BIN1: variants seen among roughly 807,000 people sequenced by gnomAD.
BIN1 encodes bridging integrator 1.
BIN1 carries 53 observed loss-of-function variants against 82.0 expected under a neutral mutation model. The ratio of observed to expected loss-of-function variants is 0.65; its 90% confidence interval spans 0.52 to 0.81. BIN1 has a LOEUF of 0.81. BIN1 is among the 40% of genes least tolerant of loss of function. The pLI, the probability that BIN1 is intolerant of heterozygous loss-of-function variation, is 0.00. For missense variants in BIN1, 642 were observed against 784.4 expected (o/e 0.82, Z 2.17); for synonymous variants, 302 against 328.0 (o/e 0.92, Z 0.86).
intron 9 of BIN1, 36 bp downstream of exon 9, chr2:127,063,535 G>A: frequency 6.2e-7 from 1 of 1,600,468 alleles, no homozygotes; most frequent in South Asian, 1.1e-5. Flanking sequence ...CGGCCAGGGT[G>A]GGGTGTGGCC....
Position 127,059,256 on chromosome 2 carries a change from A to G in BIN1, c.858-101T>C. The G allele has an allele frequency of 8.2e-7, 1 of 1,214,858 alleles. No individual in the cohort carries two copies. Among genetic ancestry groups the G allele is most frequent in the South Asian group, 1.3e-5 (1 of 78,508 alleles). The allele number at this position is 1,214,858 out of a possible 1,614,324, so 75.3% of individuals were successfully genotyped here. On this transcript the variant is annotated intron_variant, in intron 10 of 18. Transcript: ENST00000316724. This position sits in a 1 kb window ranked among gnomAD's most constrained non-coding sequence, Gnocchi z 6.7. ...CGTCTGTGTGAAGAGGTGTGTGCAT[A>G]TGGAGGTGTGAAACTGTGTGTGTGT...
chr2:127,089,362 G>A (rs774034789), intron 1 of BIN1, among the ~76,000 whole-genome samples: 7 of 152,318 alleles, frequency 4.6e-5, no homozygotes, highest in Admixed American at 2.6e-4. Context: ...AGGCTGGCGC[G>A]TGTACACACT....
intron 1 of BIN1, among the ~76,000 whole-genome samples, chr2:127,091,481 C>T (rs1211509789): frequency 6.6e-6 from 1 of 152,240 alleles, no homozygotes; most frequent in Non-Finnish European, 1.5e-5. Flanking sequence ...ACTTCGAGTC[C>T]AAGGCTGATT....
chr2:127,058,543 T>C (rs60711884), intron 11 of BIN1, among the ~76,000 whole-genome samples: 49,051 of 151,834 alleles, frequency 0.32, 11,420 homozygotes, highest in African/African-American at 0.67. Flanking sequence ...CACACCCTCC[T>C]CTGAGCCCTT....
At chr2:127,052,231 CA>C in intron 15 of BIN1, 23 bp downstream of exon 15, 2 of 1,555,222 alleles carry the variant, frequency 1.3e-6, no homozygotes, top group South Asian at 2.4e-5. Flanking sequence ...ACAAGCCAGA[CA>C]GGGGCTGGAG....
In BIN1 at chr2:127,106,964, G is replaced by T; in HGVS notation, c.-21C>A. ...GCCATCGCGGCGCAGGCCTCGCCCG[G>T]TGGCAGGGGCCGCTCTCGCGCGGGG... On this transcript the variant is annotated 5_prime_UTR_variant, in exon 1 of 19. Transcript: ENST00000316724. 1.2e-6 allele frequency: 2 copies of T among 1,604,854 alleles called. No individual in the cohort carries two copies. The highest frequency in any genetic ancestry group is 1.7e-6 in the Non-Finnish European group (2 of 1,177,088).
intron 4 of BIN1, 119 bp downstream of exon 4, chr2:127,070,434 C>A (rs1215806994): frequency 2.4e-6 from 3 of 1,259,186 alleles, no homozygotes; most frequent in Non-Finnish European, 3.4e-6. Flanking sequence ...CCCCAGGGCA[C>A]ACAGCACGCG....
intron 1 of BIN1, among the ~76,000 whole-genome samples, chr2:127,092,541 C>T (rs1388706782): frequency 2.6e-5 from 4 of 152,180 alleles, no homozygotes; most frequent in Non-Finnish European, 5.9e-5. Flanking sequence ...AACACCTGCC[C>T]GCAGTCCCTA....
chr2:127,055,514 A>T (rs1165473301), intron 12 of BIN1: 1 of 152,180 alleles, frequency 6.6e-6, no homozygotes, highest in Non-Finnish European at 1.5e-5. Flanking sequence ...TCTGCCCCAT[A>T]ACCGGCCGTC....
chr2:127,081,862 C>T, intron 1 of BIN1: 1 of 1,287,436 alleles, frequency 7.8e-7, no homozygotes, highest in Non-Finnish European at 1.0e-6. Context: ...CACCTGCCTG[C>T]ACAGGAAGGG....
Position 127,067,930 on chromosome 2 carries a change from G to A in BIN1, c.612+233C>T, listed in dbSNP as rs568079904. Among the ~76,000 whole-genome samples, 31 of 152,300 alleles carry A rather than the reference G, an allele frequency of 2.0e-4. No individual in the cohort carries two copies. The highest frequency in any genetic ancestry group is 5.8e-4 in the African/African-American group (24 of 41,568). On this transcript the variant is annotated intron_variant, in intron 7 of 18. Transcript: ENST00000316724. The surrounding 1 kb of genome is among the most constrained non-coding windows in gnomAD (Gnocchi z 4.7). ...CAGGAATGACCACAGATGCAGCCAC[G>A]GAGCGGGCATAGCTATGCCCCCACC...
chr2:127,058,187 A>G (rs1320416467), intron 11 of BIN1, among the ~76,000 whole-genome samples: 3 of 152,200 alleles, frequency 2.0e-5, no homozygotes, highest in Non-Finnish European at 2.9e-5. Context: ...TCACACACCC[A>G]TGACGCTGGG....
intron 2 of BIN1, among the ~76,000 whole-genome samples, chr2:127,072,300 G>A (rs1366978557): frequency 6.6e-6 from 1 of 152,194 alleles, no homozygotes; most frequent in Non-Finnish European, 1.5e-5. Context: ...TCCTTAGCCG[G>A]GGCTGCTCTT....
chr2:127,048,080 A>T lies in BIN1; in HGVS notation c.*446T>A, dbSNP rs940132394. ...TTGTTTCATTTTGTTTTGAACACTA[A>T]GATTTATTTTCAAACAGCACACAGA... is the stretch of plus-strand genomic sequence containing the variant. On this transcript the variant is annotated 3_prime_UTR_variant, in exon 19 of 19. Coordinates refer to ENST00000316724, the MANE Select transcript of BIN1 (RefSeq NM_139343.3). 5.0e-6 allele frequency: 1 copy of T among 200,738 alleles called. No individual in the cohort carries two copies. The highest frequency in any genetic ancestry group is 2.3e-5 in the African/African-American group (1 of 42,748). 12.4% of individuals were successfully genotyped at this position (200,738 alleles called of 1,614,324 possible).
chr2:127,066,366 A>G (rs553134354), intron 7 of BIN1, among the ~76,000 whole-genome samples: 1 of 152,190 alleles, frequency 6.6e-6, no homozygotes, highest in Non-Finnish European at 1.5e-5. Context: ...CTGCTCCCCC[A>G]GGGTGGGCGT....
rs751051376 is a variant in BIN1 at position 127,051,221 on chromosome 2, G to C, written c.1394C>G (p.Ala465Gly). 1.2e-6 allele frequency: 2 copies of C among 1,613,736 alleles called. No homozygotes were observed. Among genetic ancestry groups the C allele is most frequent in the East Asian group, 4.5e-5 (2 of 44,876 alleles). Reference sequence around the variant, plus strand: ...TCCAGCCGCAGGTTGGGTCCCACCCGCCACCTCCGAGGCCTCTGCTGGCTG... The same window carrying C: ...TCCAGCCGCAGGTTGGGTCCCACCCCCCACCTCCGAGGCCTCTGCTGGCTG... The part of the protein sequence containing the change: ...PAQPAEASEV[A>G]GGTQPAAGAQ... The change falls in exon 16 of 19, where the codon GCG becomes GGG. Residue 465 changes from alanine (A) to glycine (G), a missense_variant. Ala to Gly is a moderately conservative substitution (Grantham distance 60). Coordinates refer to ENST00000316724, the MANE Select transcript of BIN1 (RefSeq NM_139343.3).
At chr2:127,061,693 G>A (rs887421179) in intron 10 of BIN1, among the ~76,000 whole-genome samples, 17 of 152,170 alleles carry the variant, frequency 1.1e-4, no homozygotes, top group African/African-American at 3.9e-4. Context: ...GCCATCCAGG[G>A]ACATGAGCTT....
intron 2 of BIN1, among the ~76,000 whole-genome samples, chr2:127,074,645 CAG>C (rs1277068568): frequency 6.6e-6 from 1 of 152,238 alleles, no homozygotes; most frequent in African/African-American, 2.4e-5. Context: ...CCAGGCCACA[CAG>C]AGTCTCAGCT....
rs545014312 is a variant in BIN1 at position 127,092,975 on chromosome 2, G to A, written c.84+13885C>T. Among the ~76,000 whole-genome samples, 14 of 151,650 alleles carry A rather than the reference G, an allele frequency of 9.2e-5. No homozygotes were observed. The South Asian group carries it at 2.9e-3, about 32-fold the overall frequency. ...AGGGGCTGAGCAGACAGACAGAGGGGCCAATCCCTCTAAAAAAAAAAAAAA... is the reference window on the plus strand; with the variant it reads ...AGGGGCTGAGCAGACAGACAGAGGGACCAATCCCTCTAAAAAAAAAAAAAA... On this transcript the variant is annotated intron_variant, in intron 1 of 18. Coordinates refer to ENST00000316724, the MANE Select transcript of BIN1 (RefSeq NM_139343.3).
Sources: gnomAD v4.1 joint callset for allele counts (sites outside exome capture counted in the v4.1 genomes callset) on GRCh38, gnomAD v4.1.1 for gene constraint, Gnocchi (gnomAD v3.1) non-coding constraint, MANE v1.5 for transcripts, NCBI Gene and HGNC (gene_info 2026-07-23, HGNC 2026-07-21) for gene names.